DHX8: variants seen among roughly 807,000 people sequenced by gnomAD.
DHX8 encodes the protein ATP-dependent RNA helicase DHX8.
Under a neutral mutation model 140.7 loss-of-function variants are expected in DHX8, and 67 were observed. That is an observed-to-expected ratio of 0.48 (90% CI 0.39 to 0.58). DHX8 has a LOEUF of 0.58. DHX8 is among the 20% of genes least tolerant of loss of function. The probability of loss-of-function intolerance (pLI) is 0.00; values close to 1 mark genes in which losing one functional copy is unlikely to be tolerated. For synonymous variants in DHX8, 533 were observed against 553.2 expected (o/e 0.96, Z 0.51); for missense variants, 887 against 1,550.7 (o/e 0.57, Z 7.19).
Position 43,521,575 on chromosome 17 carries a change from A to G in DHX8, c.3263+10A>G, listed in dbSNP as rs774639514. On this transcript the variant is annotated intron_variant, in intron 21 of 22. Coordinates refer to ENST00000262415, the MANE Select transcript of DHX8 (RefSeq NM_004941.3). The stretch of plus-strand genomic sequence containing the variant: ...TAGGCATAATGGACAGGTAAGCTGG[A>G]ATCTGATGACTCTGCATGTTTGAGT... 1 of 1,605,354 alleles carries G rather than the reference A, an allele frequency of 6.2e-7. No homozygotes were observed. The highest frequency in any genetic ancestry group is 1.7e-5 in the Admixed American group (1 of 59,744).
intron 1 of DHX8, 57 bp downstream of exon 1, chr17:43,484,242 GAA>G: frequency 6.4e-7 from 1 of 1,554,246 alleles, no homozygotes; most frequent in Non-Finnish European, 8.8e-7. Flanking sequence ...GCGGAAGGAG[GAA>G]GGAGGAAGGA....
intron 7 of DHX8, 23 bp from the exon 8 acceptor site, chr17:43,493,660 G>A: frequency 6.2e-7 from 1 of 1,614,034 alleles, no homozygotes; most frequent in Non-Finnish European, 8.5e-7. Context: ...AAGTGAGACA[G>A]CTCCCTTGTT....
At chr17:43,494,035 G>T in intron 8 of DHX8, 149 bp downstream of exon 8, 1 of 757,002 alleles carries the variant, frequency 1.3e-6, no homozygotes, top group Non-Finnish European at 2.1e-6. Context: ...ACCTGAGACT[G>T]GGCAATTTAC....
At chr17:43,515,450 G>A (rs1330414818) in intron 17 of DHX8, among the ~76,000 whole-genome samples, 2 of 152,330 alleles carry the variant, frequency 1.3e-5, no homozygotes, top group East Asian at 1.9e-4. Flanking sequence ...GCCTTCCAAA[G>A]TGCTGGGATT....
At chr17:43,518,463 G>A (rs1970219920) in intron 18 of DHX8, 1 of 152,050 alleles carries the variant, frequency 6.6e-6, no homozygotes, top group South Asian at 2.1e-4. Context: ...CTGAAAGCAG[G>A]GGCCATATCC....
At position 43,493,021 on chromosome 17, in the gene DHX8, G is replaced by A; in HGVS notation, c.844G>A (p.Val282Met). 6.2e-7 allele frequency: 1 copy of A among 1,613,866 alleles called. No individual in the cohort carries two copies. Among genetic ancestry groups the A allele is most frequent in the Admixed American group, 1.7e-5 (1 of 60,032 alleles). ...VTSIMQFGCF[V>M]QLEGLRKRWE... ...CAGCATCATGCAGTTTGGTTGCTTT[G>A]TGCAGCTGGAAGGACTAAGGTAATG... is the stretch of plus-strand genomic sequence containing the variant. Residue 282 changes from valine to methionine, a missense_variant, in exon 6 of 23, where the codon GTG becomes ATG. Physicochemically the swap from Val to Met is conservative, Grantham distance 21 (BLOSUM62 1). Around this residue, in one of 9 missense-constraint regions of DHX8, gnomAD observed 98 missense variants for 152.7 expected, o/e 0.64. Transcript: ENST00000262415.
At position 43,521,529 on chromosome 17, in the gene DHX8, A is replaced by T; in HGVS notation, c.3227A>T (p.Gln1076Leu). The T allele has an allele frequency of 6.2e-7, 1 of 1,613,502 alleles. No homozygotes were observed. Residue 1076 changes from glutamine to leucine, a missense_variant, in exon 21 of 23, where the codon CAG becomes CTG. Gln to Leu is a moderately radical substitution (Grantham distance 113, BLOSUM62 -2). Around this residue, in one of 9 missense-constraint regions of DHX8, gnomAD observed 101 missense variants for 168.2 expected, o/e 0.60. Transcript: ENST00000262415. ...FIQARSLRRAQDIRKQMLGIM... is the reference protein window; with the variant it reads ...FIQARSLRRALDIRKQMLGIM... ...CAGGCTCGTTCCCTGCGCCGGGCCC[A>T]GGACATTCGCAAGCAGATGTTAGGC... is the stretch of plus-strand genomic sequence containing the variant.
In DHX8 at chr17:43,524,363, T is replaced by A; in HGVS notation, c.*516T>A. The A allele has an allele frequency of 1.0e-6, 1 of 1,002,048 alleles. No individual in the cohort carries two copies. Among genetic ancestry groups the A allele is most frequent in the Non-Finnish European group, 1.2e-6 (1 of 840,032 alleles). The allele number at this position is 1,002,048 out of a possible 1,614,324, so 62.1% of individuals were successfully genotyped here. On this transcript the variant is annotated 3_prime_UTR_variant, in exon 23 of 23. Coordinates refer to ENST00000262415, the MANE Select transcript of DHX8 (RefSeq NM_004941.3). ...TTTTCTTTTAGCCGAAAGGTTAGGA[T>A]ATTGGCCTGGGCTCAGGGTGAGGGA... is the stretch of plus-strand genomic sequence containing the variant.
Position 43,507,946 on chromosome 17 carries a change from A to C in DHX8, c.2247A>C (p.Thr749=), listed in dbSNP as rs1969585994. The C allele has an allele frequency of 1.2e-6, 2 of 1,614,200 alleles. No homozygotes were observed. The highest frequency in any genetic ancestry group is 1.7e-6 in the Non-Finnish European group (2 of 1,180,032). Residue 749 remains threonine (T), a synonymous_variant, in exon 15 of 23, where the codon ACA becomes ACC. Coordinates refer to ENST00000262415, the MANE Select transcript of DHX8 (RefSeq NM_004941.3). ...CATATCCAGTGGAAATACTGTACAC[A>C]AAGGAACCTGAGACAGATTATCTGG... The part of the protein sequence containing the change: ...GRTYPVEILY[T]KEPETDYLDA...
At chr17:43,529,014 C>G (rs1970738865), downstream of DHX8, 5 of 987,958 alleles carry the variant, frequency 5.1e-6, no homozygotes, top group African/African-American at 7.9e-5. Flanking sequence ...TCTTGTCTCT[C>G]TGACTGATTC....
chr17:43,525,800 C>T (rs1970592204), downstream of DHX8: 6 of 985,426 alleles, frequency 6.1e-6, no homozygotes, highest in Non-Finnish European at 7.2e-6. Flanking sequence ...AAATTTTCCC[C>T]ATTCAGAAAC....
downstream of DHX8, among the ~76,000 whole-genome samples, chr17:43,531,251 A>G (rs138662429): frequency 2.0e-5 from 3 of 152,348 alleles, no homozygotes; most frequent in African/African-American, 7.2e-5. Context: ...TAGGGCTACT[A>G]ATGTAACAAA....
intron 3 of DHX8, among the ~76,000 whole-genome samples, chr17:43,538,871 T>G (rs1016792471): frequency 1.3e-5 from 2 of 152,148 alleles, no homozygotes; most frequent in African/African-American, 4.8e-5. Flanking sequence ...ATGGGGAAAC[T>G]GATAAAATGC....
downstream of DHX8, among the ~76,000 whole-genome samples, chr17:43,530,707 T>C (rs1049276000): frequency 4.0e-5 from 6 of 151,876 alleles, no homozygotes; most frequent in Non-Finnish European, 7.4e-5. Context: ...TTTTTTCAGG[T>C]CTAACAGAGC....
intron 9 of DHX8, among the ~76,000 whole-genome samples, chr17:43,498,410 G>A (rs1426027318): frequency 6.6e-6 from 1 of 150,980 alleles, no homozygotes; most frequent in Non-Finnish European, 1.5e-5. Flanking sequence ...GCCTCCCAAA[G>A]TGCTGGGATT....
intron 8 of DHX8, among the ~76,000 whole-genome samples, chr17:43,495,139 A>G (rs1463465111): frequency 4.6e-5 from 7 of 152,082 alleles, no homozygotes. Flanking sequence ...TCTTCACTAA[A>G]TAACATAACC....
chr17:43,503,024 A>AT (rs531581941), intron 11 of DHX8, among the ~76,000 whole-genome samples: 26 of 150,690 alleles, frequency 1.7e-4, no homozygotes, highest in South Asian at 2.1e-4. Context: ...AATTCTGCTC[A>AT]TTTTTTTTTG....
Position 43,493,568 on chromosome 17 carries a change from C to T in DHX8, c.987C>T (p.Thr329=). ...TCAAAGTGCTGTCCTTCACTGGGAC[C>T]AAGACCAGCCTGAGCATGAAGGTAG... is the stretch of plus-strand genomic sequence containing the variant. The part of the protein sequence containing the change: ...VKVKVLSFTG[T]KTSLSMKDVD... The change falls in exon 7 of 23, where the codon ACC becomes ACT. Residue 329 remains threonine (T), a synonymous_variant. Transcript: ENST00000262415. 5.0e-6 allele frequency: 8 copies of T among 1,614,122 alleles called. No homozygotes were observed. The highest frequency in any genetic ancestry group is 6.8e-6 in the Non-Finnish European group (8 of 1,180,020).
chr17:43,520,476 G>T (rs960924279), intron 19 of DHX8, among the ~76,000 whole-genome samples: 1 of 152,214 alleles, frequency 6.6e-6, no homozygotes, highest in South Asian at 2.1e-4. Context: ...TTTGCCTGAG[G>T]ATGTATTACT....
Sources: allele counts gnomAD v4.1 joint callset (sites outside exome capture counted in the v4.1 genomes callset), GRCh38; gene constraint gnomAD v4.1.1; regional missense constraint gnomAD v4.1.1; transcripts MANE v1.5; gene names NCBI Gene and HGNC (gene_info 2026-07-23, HGNC 2026-07-21).